RHOC: variants seen among roughly 807,000 people sequenced by gnomAD.
RHOC encodes the protein ras homolog family member C.
A neutral mutation model predicts 19.5 loss-of-function variants in RHOC; 13 were observed. That is an observed-to-expected ratio of 0.67 (90% CI 0.43 to 1.06). RHOC has a LOEUF of 1.06. Among genes scored for constraint, RHOC ranks in the 50% least tolerant of loss-of-function variants. The pLI is 0.00. For missense variants in RHOC, 173 were observed against 256.9 expected (o/e 0.67, Z 2.23); for synonymous variants, 106 against 97.3 (o/e 1.09, Z -0.52).
rs776494527 is a variant in RHOC, at chr1:112,706,482, A to ACCACACACACCCCCACACACCCCCACAC, written c.-77+595_-77+596insGTGTGGGGGTGTGTGGGGGTGTGTGTGG. Among the ~76,000 whole-genome samples the ACCACACACACCCCCACACACCCCCACAC allele has an allele frequency of 1.0e-3, 19 of 19,034 alleles. 1 individual carries two copies. The highest frequency in any genetic ancestry group is 4.9e-3 in the African/African-American group (19 of 3,898). 12.5% of individuals were successfully genotyped at this position (19,034 alleles called of 152,430 possible). On this transcript the variant is annotated intron_variant, in intron 1 of 5. Coordinates refer to ENST00000339083, the MANE Select transcript of RHOC (RefSeq NM_175744.5). ...ACACACACCACACACACACACACAC[A>ACCACACACACCCCCACACACCCCCACAC]CACACACACACACACACACACACAC...
rs1420489256 is a variant in RHOC at position 112,707,101 on chromosome 1, G to C, written c.-100C>G. The stretch of plus-strand genomic sequence containing the variant: ...ACCTTCCGCTCCGCCGCCTCCAGCT[G>C]CGCGGCCGGTGCCGGAGGCTCAGAC... On this transcript the variant is annotated 5_prime_UTR_variant, in exon 1 of 6. Coordinates refer to ENST00000339083, the MANE Select transcript of RHOC (RefSeq NM_175744.5). The C allele has an allele frequency of 6.6e-6, 1 of 151,972 alleles. No homozygotes were observed. The highest frequency in any genetic ancestry group is 1.5e-5 in the Non-Finnish European group (1 of 68,006). The allele number at this position is 151,972 out of a possible 1,614,324, so 9.4% of individuals were successfully genotyped here.
chr1:112,702,532 C>T (rs765926735), intron 5 of RHOC, 31 bp downstream of exon 5: 1 of 1,610,876 alleles, frequency 6.2e-7, no homozygotes, highest in South Asian at 1.1e-5. Context: ...GCATTCTTCC[C>T]CAGGGGCTCC....
At chr1:112,704,995 C>T (rs1436954350) in intron 2 of RHOC, 105 bp downstream of exon 2, 1 of 668,788 alleles carries the variant, frequency 1.5e-6, no homozygotes, top group Non-Finnish European at 2.8e-6. Flanking sequence ...GCTTCCCGGG[C>T]TTCCATGTGT....
chr1:112,706,182 C>T, intron 1 of RHOC: 1 of 155,396 alleles, frequency 6.4e-6, no homozygotes, highest in Non-Finnish European at 1.4e-5. Context: ...CATCAGACCT[C>T]TCTCCAATCG....
At chr1:112,705,603 A>C (rs1674811588) in intron 1 of RHOC, 1 of 461,506 alleles carries the variant, frequency 2.2e-6, no homozygotes, top group African/African-American at 2.0e-5. Context: ...GAAGGCATTC[A>C]CCCTGTCGGC....
chr1:112,704,167 C>T, intron 2 of RHOC: 1 of 220,312 alleles, frequency 4.5e-6, no homozygotes, highest in African/African-American at 2.3e-5. Context: ...CTATCTACTT[C>T]ACACATCAGG....
intron 1 of RHOC, among the ~76,000 whole-genome samples, chr1:112,706,462 CA>C (rs1338066955): frequency 5.8e-4 from 10 of 17,176 alleles, no homozygotes; most frequent in African/African-American, 1.2e-3. Context: ...CACACACACA[CA>C]CCACACACAC....
chr1:112,706,462 CACCA>C (rs1674867623), intron 1 of RHOC, among the ~76,000 whole-genome samples: 2 of 17,204 alleles, frequency 1.2e-4, no homozygotes, highest in Admixed American at 5.8e-4. Context: ...CACACACACA[CACCA>C]CACACACACA....
chr1:112,707,184 G>T (rs971152848), upstream of RHOC: 1 of 150,446 alleles, frequency 6.6e-6, no homozygotes, highest in Non-Finnish European at 1.5e-5. Flanking sequence ...GGCGGGCCCG[G>T]CAGGGGGAGG....
At position 112,701,695 on chromosome 1, in the gene RHOC, C is replaced by G; in HGVS notation, c.427G>C (p.Glu143Gln). The G allele has an allele frequency of 6.2e-7, 1 of 1,613,972 alleles. No homozygotes were observed. Among genetic ancestry groups the G allele is most frequent in the Non-Finnish European group, 8.5e-7 (1 of 1,180,014 alleles). The change falls in exon 6 of 6, where the codon GAA (glutamate) becomes CAA (glutamine). Residue 143 changes from glutamate to glutamine, a missense_variant. By Grantham distance (29) the Glu-to-Gln change is conservative. Coordinates refer to ENST00000339083, the MANE Select transcript of RHOC (RefSeq NM_175744.5). ...ATCCGGTTCGCCATGTCCCGGCCTT[C>G]CTCAGACCGAACGGGCTCCTGAGAA... ...KMKQEPVRSEEGRDMANRISA... is the reference protein window; with the variant it reads ...KMKQEPVRSEQGRDMANRISA...
chr1:112,702,944 G>T, intron 4 of RHOC, 55 bp downstream of exon 4: 1 of 1,390,388 alleles, frequency 7.2e-7, no homozygotes, highest in South Asian at 1.2e-5. Flanking sequence ...GCCAAGGCAC[G>T]AGACCTCTGG....
chr1:112,702,876 C>A, intron 4 of RHOC, 123 bp downstream of exon 4: 1 of 1,408,076 alleles, frequency 7.1e-7, no homozygotes, highest in Non-Finnish European at 9.9e-7. Context: ...AGGAGACCAA[C>A]AGGGCCTGAG....
Position 112,701,324 on chromosome 1 carries a change from G to T in RHOC, c.*216C>A, listed in dbSNP as rs543440941. On this transcript the variant is annotated 3_prime_UTR_variant, in exon 6 of 6. Coordinates refer to ENST00000339083, the MANE Select transcript of RHOC (RefSeq NM_175744.5). ...GTCAAAGGGGGCAAGATCCCCAGGG[G>T]CCCTGAGGAAGGGCAGGGCATAGGC... The T allele has an allele frequency of 8.2e-6, 11 of 1,344,374 alleles. No homozygotes were observed. Among genetic ancestry groups the T allele is most frequent in the Non-Finnish European group, 1.0e-5 (10 of 993,600 alleles). 83.3% of individuals were successfully genotyped at this position (1,344,374 alleles called of 1,614,324 possible).
chr1:112,702,738 T>C (rs1030335908), intron 4 of RHOC, 45 bp from the exon 5 acceptor site: 15 of 1,611,536 alleles, frequency 9.3e-6, no homozygotes, highest in Admixed American at 3.3e-5. Context: ...CCACTTAAGC[T>C]AGAAAGCTCC....
Position 112,701,338 on chromosome 1 carries a change from C to T in RHOC, c.*202G>A. Reference sequence around the variant, plus strand: ...GATCCCCAGGGGCCCTGAGGAAGGGCAGGGCATAGGCGTGGCTCCCAGAGC... The same window carrying T: ...GATCCCCAGGGGCCCTGAGGAAGGGTAGGGCATAGGCGTGGCTCCCAGAGC... On this transcript the variant is annotated 3_prime_UTR_variant, in exon 6 of 6. Coordinates refer to ENST00000339083, the MANE Select transcript of RHOC (RefSeq NM_175744.5). The T allele has an allele frequency of 1.4e-6, 2 of 1,444,788 alleles. No homozygotes were observed. Among genetic ancestry groups the T allele is most frequent in the Non-Finnish European group, 1.9e-6 (2 of 1,079,790 alleles). 89.5% of individuals were successfully genotyped at this position (1,444,788 alleles called of 1,614,324 possible).
chr1:112,705,124 C>A lies in RHOC; in HGVS notation c.-32G>T, dbSNP rs1268288291. On this transcript the variant is annotated 5_prime_UTR_variant, in exon 2 of 6. Transcript: ENST00000339083. Reference sequence around the variant, plus strand: ...CCTCCAGCCGGCTGAAGTTCCCAGGCTGCAGGAAGAGAGGGCGGGCTCTGG... The same window carrying A: ...CCTCCAGCCGGCTGAAGTTCCCAGGATGCAGGAAGAGAGGGCGGGCTCTGG... The A allele has an allele frequency of 1.0e-5, 7 of 702,486 alleles. No homozygotes were observed. Among genetic ancestry groups the A allele is most frequent in the South Asian group, 7.4e-5 (5 of 67,592 alleles). The allele number at this position is 702,486 out of a possible 1,614,324, so 43.5% of individuals were successfully genotyped here.
At position 112,703,773 on chromosome 1, in the gene RHOC, C is replaced by A. The variant is rs1342660507; in HGVS notation, c.27G>T (p.Val9=). The A allele has an allele frequency of 1.2e-6, 2 of 1,612,498 alleles. No individual in the cohort carries two copies. The highest frequency in any genetic ancestry group is 1.7e-6 in the Non-Finnish European group (2 of 1,179,528). Residue 9 remains valine, a synonymous_variant, in exon 3 of 6, where the codon GTG becomes GTT. Coordinates refer to ENST00000339083, the MANE Select transcript of RHOC (RefSeq NM_175744.5). MAAIRKKL[V]IVGDGACGKT... ...TCCCACAGGCACCATCCCCAACGAT[C>A]ACCAGCTTCTTTCGGATTGCAGCCA...
Position 112,705,152 on chromosome 1 carries a change from C to G in RHOC, c.-60G>C, listed in dbSNP as rs1340578131. 2 of 702,288 alleles carry G rather than the reference C, an allele frequency of 2.8e-6. No homozygotes were observed. The highest frequency in any genetic ancestry group is 5.2e-6 in the Non-Finnish European group (2 of 384,900). 43.5% of individuals were successfully genotyped at this position (702,288 alleles called of 1,614,324 possible). On this transcript the variant is annotated 5_prime_UTR_variant, in exon 2 of 6. Coordinates refer to ENST00000339083, the MANE Select transcript of RHOC (RefSeq NM_175744.5). Reference sequence around the variant, plus strand: ...CAGGAAGAGAGGGCGGGCTCTGGAGCTGAGATGAAGTCAAGGCTGTTGGGA... The same window carrying G: ...CAGGAAGAGAGGGCGGGCTCTGGAGGTGAGATGAAGTCAAGGCTGTTGGGA...
intron 1 of RHOC, chr1:112,705,471 C>G (rs987433101): frequency 3.5e-6 from 2 of 572,796 alleles, no homozygotes; most frequent in Non-Finnish European, 6.6e-6. Context: ...TGCCTCCAGA[C>G]ACATTCACAA....
Sources: gnomAD v4.1 joint callset for allele counts (sites outside exome capture counted in the v4.1 genomes callset) on GRCh38, gnomAD v4.1.1 for gene constraint, MANE v1.5 for transcripts, NCBI Gene and HGNC (gene_info 2026-07-23, HGNC 2026-07-21) for gene names.